Variants in ZNF385D observed in about 807,000 individuals in gnomAD.
ZNF385D encodes the protein zinc finger protein 659.
In ZNF385D, 15 loss-of-function variants were observed where a neutral mutation model predicts 35.8. The ratio of observed to expected loss-of-function variants is 0.42; its 90% CI spans 0.28 to 0.64. The LOEUF is 0.64. Ranked by LOEUF, ZNF385D falls within the 30% of genes least tolerant of loss-of-function variation. The pLI is 0.23. For missense variants in ZNF385D, 474 were observed against 494.6 expected (o/e 0.96, Z 0.39); for synonymous variants, 212 against 186.8 (o/e 1.13, Z -1.10).
chr3:21,459,915 TC>T (rs1427653348), intron 4 of ZNF385D, among the ~76,000 whole-genome samples: 1 of 152,156 alleles, frequency 6.6e-6, no homozygotes, highest in African/African-American at 2.4e-5. Flanking sequence ...GAAATTCTGT[TC>T]CACGTCCCAG....
At position 22,336,909 on chromosome 3, in the gene ZNF385D, CAAAAAAAAAAAA is replaced by C. The variant is rs59822476; in HGVS notation, c.106+35529_106+35540del. 1.9e-3 allele frequency among the ~76,000 whole-genome samples: 89 copies of C among 47,972 alleles called. 1 individual carries two copies. Among genetic ancestry groups the C allele is most frequent in the South Asian group, 0.018 (14 of 772 alleles). 31.5% of individuals were successfully genotyped at this position (47,972 alleles called of 152,430 possible). A position where few individuals can be genotyped will look rare whatever the true frequency, so the allele number is the denominator to read the frequency against. On this transcript the variant is annotated intron_variant, in intron 2 of 5. Transcript: ENST00000494108. ...AACCACTATGCAAACAGTGATTTTT[CAAAAAAAAAAAA>C]AAAAAAAAAAAAAAAACCCTTACTG... is the stretch of plus-strand genomic sequence containing the variant.
At chr3:21,789,854 T>A (rs1016681133) in intron 3 of ZNF385D, among the ~76,000 whole-genome samples, 1 of 152,218 alleles carries the variant, frequency 6.6e-6, no homozygotes, top group Non-Finnish European at 1.5e-5. Context: ...AACCTTTGTG[T>A]ATGTGGCTTC....
In ZNF385D at chr3:21,976,744, G is replaced by A. The variant is rs577380105; in HGVS notation, c.325+192073C>T. Among the ~76,000 whole-genome samples the A allele has an allele frequency of 6.6e-5, 10 of 152,288 alleles. No individual in the cohort carries two copies. In the South Asian group the frequency reaches 1.2e-3, roughly 19 times the overall value. ...CAGGTGTCTCACGCTTGTAATCTCA[G>A]CACTTTGGGAAGCCAAGGCATGCAG... On this transcript the variant is annotated intron_variant, in intron 3 of 5. Transcript: ENST00000494108.
chr3:22,015,803 T>C (rs998907798), intron 3 of ZNF385D, among the ~76,000 whole-genome samples: 7 of 152,156 alleles, frequency 4.6e-5, no homozygotes, highest in Admixed American at 4.6e-4. Flanking sequence ...CTTGGATTCA[T>C]GCTTATGCTT....
At chr3:22,356,793 AAGAT>A (rs200159818) in intron 2 of ZNF385D, among the ~76,000 whole-genome samples, 8,522 of 151,906 alleles carry the variant, frequency 0.056, 689 homozygotes, top group African/African-American at 0.19. Context: ...GAGTGATAGA[AAGAT>A]AGATAGATAG....
rs1321071003 is a variant in ZNF385D at position 21,415,269 on chromosome 3, C to T, written c.*5945G>A. 4 of 152,088 alleles carry T rather than the reference C, an allele frequency of 2.6e-5. No individual in the cohort carries two copies. Among genetic ancestry groups the T allele is most frequent in the Non-Finnish European group, 4.4e-5 (3 of 68,010 alleles). The allele number at this position is 152,088 out of a possible 1,614,324, so 9.4% of individuals were successfully genotyped here. A position where few individuals can be genotyped will look rare whatever the true frequency, so the allele number is the denominator to read the frequency against. ...TTGTTATACCATGTCCTGCACACTA[C>T]CTGGATTTGAGGAAGATTTTATAAG... On this transcript the variant is annotated 3_prime_UTR_variant, in exon 8 of 8. Coordinates refer to ENST00000281523, the MANE Select transcript of ZNF385D (RefSeq NM_024697.3).
intron 3 of ZNF385D, among the ~76,000 whole-genome samples, chr3:22,119,717 A>C (rs1394206823): frequency 2.0e-5 from 3 of 152,272 alleles, no homozygotes; most frequent in African/African-American, 7.2e-5. Flanking sequence ...CTGTTTTACT[A>C]TCTCTCCAGT....
rs879479168 is a variant in ZNF385D, at chr3:21,644,782, A to G, written c.165+20104T>C. On this transcript the variant is annotated intron_variant, in intron 2 of 7. Transcript: ENST00000281523. ...ATGTACCTCCTGGATTAAAATTTAT[A>G]CTACATCACACAGGAATCACACTTG... Among the ~76,000 whole-genome samples the G allele has an allele frequency of 1.8e-4, 27 of 152,316 alleles. 1 individual carries two copies. The highest frequency in any genetic ancestry group is 8.3e-4 in the South Asian group (4 of 4,830).
chr3:22,009,073 G>T (rs374236413), intron 3 of ZNF385D, among the ~76,000 whole-genome samples: 11 of 152,226 alleles, frequency 7.2e-5, no homozygotes, highest in Admixed American at 5.9e-4. Flanking sequence ...CACAGGATAA[G>T]GGCCAGCTTG....
At chr3:21,511,098 C>G in intron 3 of ZNF385D, 75 bp from the exon 4 acceptor site, 4 of 1,565,088 alleles carry the variant, frequency 2.6e-6, no homozygotes, top group Non-Finnish European at 3.5e-6. Context: ...ACTGCAAATA[C>G]AGACTCCCTT....
intron 3 of ZNF385D, among the ~76,000 whole-genome samples, chr3:21,845,639 T>C (rs1427605728): frequency 6.6e-6 from 1 of 152,072 alleles, no homozygotes; most frequent in African/African-American, 2.4e-5. Context: ...AAGTTCTTTC[T>C]GATGTATAAA....
chr3:21,636,112 T>C (rs1172290527), intron 2 of ZNF385D, among the ~76,000 whole-genome samples: 3 of 151,934 alleles, frequency 2.0e-5, no homozygotes, highest in Non-Finnish European at 4.4e-5. Flanking sequence ...GTTCTACTTT[T>C]AGTTCTTTAA....
chr3:22,121,583 G>A (rs1469905604), intron 3 of ZNF385D, among the ~76,000 whole-genome samples: 1 of 152,014 alleles, frequency 6.6e-6, no homozygotes, highest in Non-Finnish European at 1.5e-5. Flanking sequence ...GATCTCCAAA[G>A]CACAAATGCA....
chr3:21,897,654 A>G (rs942263721), intron 3 of ZNF385D, among the ~76,000 whole-genome samples: 1 of 152,150 alleles, frequency 6.6e-6, no homozygotes, highest in South Asian at 2.1e-4. Flanking sequence ...CAGGTAAGCT[A>G]TGAACCATCT....
intron 2 of ZNF385D, among the ~76,000 whole-genome samples, chr3:22,191,278 G>A (rs947756677): frequency 2.0e-5 from 3 of 152,170 alleles, no homozygotes; most frequent in African/African-American, 2.4e-5. Flanking sequence ...ATCACCTGAC[G>A]TCAGGGGTTT....
At chr3:21,865,562 T>C (rs1684504) in intron 3 of ZNF385D, among the ~76,000 whole-genome samples, 69,410 of 151,926 alleles carry the variant, frequency 0.46, 16,197 homozygotes, top group African/African-American at 0.54. Flanking sequence ...TTCTTGAATA[T>C]TACAAAATAA....
At chr3:22,041,849 A>T (rs907168472) in intron 3 of ZNF385D, among the ~76,000 whole-genome samples, 1 of 152,176 alleles carries the variant, frequency 6.6e-6, no homozygotes, top group African/African-American at 2.4e-5. Context: ...ATGTTCAGGT[A>T]GGGAAATGGA....
chr3:21,988,481 GGGGGTCA>G (rs1248001196), intron 3 of ZNF385D, among the ~76,000 whole-genome samples: 6 of 140,180 alleles, frequency 4.3e-5, no homozygotes, highest in African/African-American at 1.5e-4. Context: ...TAGGCTGCTC[GGGGGTCA>G]GGGGTCAGGG....
At position 22,364,492 on chromosome 3, in the gene ZNF385D, GAA is replaced by G. The variant is rs1250088653; in HGVS notation, c.106+7956_106+7957del. On this transcript the variant is annotated intron_variant, in intron 2 of 5. Coordinates refer to the ZNF385D transcript ENST00000494108. The stretch of plus-strand genomic sequence containing the variant: ...ACATACAAATGGCTAACGAGCACAT[GAA>G]AAGAGACTCAACATCCCTAATCATT... 4.6e-5 allele frequency among the ~76,000 whole-genome samples: 7 copies of G among 152,142 alleles called. No homozygotes were observed. The South Asian group carries it at 1.2e-3, about 27-fold the overall frequency.
Sources: gnomAD v4.1 joint callset for allele counts (sites outside exome capture counted in the v4.1 genomes callset) on GRCh38, gnomAD v4.1.1 for gene constraint, MANE v1.5 for transcripts, NCBI Gene and HGNC (gene_info 2026-07-23, HGNC 2026-07-21) for gene names.